The following ARHGEF19 variants were observed in gnomAD, a reference collection of about 807,000 sequenced individuals.
The protein encoded by ARHGEF19 is Rho guanine nucleotide exchange factor (GEF) 19.
ARHGEF19 carries 92 observed loss-of-function variants against 87.6 expected under a neutral mutation model. The ratio of observed to expected loss-of-function variants is 1.05; its 90% CI spans 0.89 to 1.25. The LOEUF (loss-of-function observed/expected upper bound fraction) is 1.25. Ranked by LOEUF, ARHGEF19 falls within the 50% of genes most tolerant of loss-of-function variation. The probability of loss-of-function intolerance (pLI) is 0.00; values close to 1 mark genes in which losing one functional copy is unlikely to be tolerated. For missense variants in ARHGEF19, 1,054 were observed against 1,051.8 expected, an observed-to-expected ratio of 1.00 and a Z score of -0.03; for synonymous variants, 438 against 446.2, an observed-to-expected ratio of 0.98 and a Z score of 0.23.
Position 16,204,929 on chromosome 1 carries a change from T to C in ARHGEF19, c.1747-10A>G, listed in dbSNP as rs748953653. On this transcript the variant is annotated splice_polypyrimidine_tract_variant and intron_variant, in intron 11 of 15. Transcript: ENST00000270747. ...AGATCAGCGGGAAAATCTAGAGGGA[T>C]GGAGAAGGATGGGTCAGGCCCAGGG... 1.3e-6 allele frequency: 2 copies of C among 1,594,032 alleles called. No individual in the cohort carries two copies. The highest frequency in any genetic ancestry group is 2.3e-5 in the South Asian group (2 of 88,078).
intron 12 of ARHGEF19, among the ~76,000 whole-genome samples, chr1:16,203,419 T>C (rs1439421020): frequency 2.0e-5 from 3 of 152,066 alleles, no homozygotes. Flanking sequence ...TGAATCCACT[T>C]ATCCTGAAGT....
In ARHGEF19 at chr1:16,209,786, C is replaced by T. The variant is rs548392351; in HGVS notation, c.-29-703G>A. ...TGCTCTGATGTTTCTCCCCCCATCT[C>T]CCCGACCCTTGCCCAGAGTTGCGGC... On this transcript the variant is annotated intron_variant, in intron 1 of 15. Coordinates refer to ENST00000270747, the MANE Select transcript of ARHGEF19 (RefSeq NM_153213.5). 8.5e-5 allele frequency among the ~76,000 whole-genome samples: 13 copies of T among 152,376 alleles called. No homozygotes were observed. In the East Asian group the frequency reaches 2.1e-3, roughly 25 times the overall value.
Position 16,205,918 on chromosome 1 carries a change from CCCCCAG to C in ARHGEF19, c.1451+7_1451+12del. On this transcript the variant is annotated splice_region_variant and intron_variant, in intron 8 of 15. Coordinates refer to ENST00000270747, the MANE Select transcript of ARHGEF19 (RefSeq NM_153213.5). This position sits in a 1 kb window ranked among gnomAD's most constrained non-coding sequence, Gnocchi z 5.8. ...CTCCACGCCCCCGCCCCTTTCAGAG[CCCCCAG>C]CCCTACAGCAGGCGCTGGTAGGTGC... 1 of 1,597,698 alleles carries C rather than the reference CCCCCAG, an allele frequency of 6.3e-7. No homozygotes were observed. Among genetic ancestry groups the C allele is most frequent in the Non-Finnish European group, 8.5e-7 (1 of 1,172,116 alleles).
intron 1 of ARHGEF19, among the ~76,000 whole-genome samples, chr1:16,209,656 C>A (rs1298491714): frequency 6.6e-6 from 1 of 152,174 alleles, no homozygotes; most frequent in African/African-American, 2.4e-5. Flanking sequence ...ACAGACAACT[C>A]CTCACAAACA....
chr1:16,207,089 C>A lies in ARHGEF19; in HGVS notation c.996G>T (p.Arg332=). 1 of 1,507,072 alleles carries A rather than the reference C, an allele frequency of 6.6e-7. No homozygotes were observed. Among genetic ancestry groups the A allele is most frequent in the Non-Finnish European group, 8.8e-7 (1 of 1,131,044 alleles). The allele number at this position is 1,507,072 out of a possible 1,614,324, so 93.4% of individuals were successfully genotyped here. A position where few individuals can be genotyped will look rare whatever the true frequency, so the allele number is the denominator to read the frequency against. ...EGAEEGPGPP[R]ANLSPSSSFR... is the part of the protein sequence containing the mutation. ...AGGAGCTGCTGGGGGAGAGGTTGGC[C>A]CGCGGCGGCCCCGGCCCCTCCTCTG... Residue 332 remains arginine, a synonymous_variant, in exon 6 of 16, where the codon CGG becomes CGT. Transcript: ENST00000270747. The surrounding 1 kb of genome is among the most constrained non-coding windows in gnomAD (Gnocchi z 4.0).
rs377224818 is a variant in ARHGEF19 at position 16,207,936 on chromosome 1, G to A, written c.694+8C>T. The A allele has an allele frequency of 6.2e-7, 1 of 1,604,634 alleles. No homozygotes were observed. The highest frequency in any genetic ancestry group is 1.1e-5 in the South Asian group (1 of 90,638). The stretch of plus-strand genomic sequence containing the variant: ...GCTGCCCTCAGGGCCCATGGGAGGA[G>A]CTGGTACCTTCCCGGGCTGCTCCGG... On this transcript the variant is annotated splice_region_variant and intron_variant, in intron 3 of 15. Transcript: ENST00000270747. This position sits in a 1 kb window ranked among gnomAD's most constrained non-coding sequence, Gnocchi z 4.0.
rs376034060 is a variant in ARHGEF19 at position 16,205,311 on chromosome 1, G to A, written c.1656+40C>T. Reference sequence around the variant, plus strand: ...AGAGACGTGCTGGGGGTCCAGGGGGGGCCTCAGGAGCCAAGCAGCCCCTGC... The same window carrying A: ...AGAGACGTGCTGGGGGTCCAGGGGGAGCCTCAGGAGCCAAGCAGCCCCTGC... On this transcript the variant is annotated intron_variant, in intron 10 of 15. Transcript: ENST00000270747. The surrounding 1 kb of genome is among the most constrained non-coding windows in gnomAD (Gnocchi z 5.8). 1 of 1,612,878 alleles carries A rather than the reference G, an allele frequency of 6.2e-7. No individual in the cohort carries two copies.
intron 13 of ARHGEF19, 31 bp downstream of exon 13, chr1:16,202,385 C>G (rs1375567103): frequency 4.5e-6 from 7 of 1,572,046 alleles, no homozygotes; most frequent in African/African-American, 1.3e-5. Flanking sequence ...GGAGGGGGAG[C>G]CTCCTCTCTC....
intron 1 of ARHGEF19, 127 bp from the exon 2 acceptor site, chr1:16,209,210 A>G (rs969104797): frequency 5.4e-6 from 3 of 555,964 alleles, no homozygotes; most frequent in Admixed American, 4.3e-5. Flanking sequence ...ACACACTCAC[A>G]TGTCTAATTA....
chr1:16,199,299 C>T (rs1324365048), intron 14 of ARHGEF19, 45 bp from the exon 15 acceptor site: 4 of 1,576,006 alleles, frequency 2.5e-6, no homozygotes, highest in Non-Finnish European at 3.5e-6. Flanking sequence ...GGCAGGATGG[C>T]AGGGGGAGGA....
chr1:16,205,364 T>G lies in ARHGEF19; in HGVS notation c.1643A>C (p.Asn548Thr). 1 of 1,613,788 alleles carries G rather than the reference T, an allele frequency of 6.2e-7. No individual in the cohort carries two copies. Among genetic ancestry groups the G allele is most frequent in the Non-Finnish European group, 8.5e-7 (1 of 1,179,802 alleles). The change falls in exon 10 of 16, where the codon AAT (asparagine) becomes ACT (threonine). Residue 548 changes from asparagine (N) to threonine (T), a missense_variant. Asn to Thr is a moderately conservative substitution (Grantham distance 65). Coordinates refer to ENST00000270747, the MANE Select transcript of ARHGEF19 (RefSeq NM_153213.5). The surrounding 1 kb of genome is among the most constrained non-coding windows in gnomAD (Gnocchi z 5.8). ...TGCCCAGCTCACCTCCTTGAGCGCATTGAAGGCCTTGGTGGCCATGTCTTC... is the reference window on the plus strand; with the variant it reads ...TGCCCAGCTCACCTCCTTGAGCGCAGTGAAGGCCTTGGTGGCCATGTCTTC... The part of the protein sequence containing the change: ...EDEDMATKAF[N>T]ALKELVQECN...
intron 12 of ARHGEF19, among the ~76,000 whole-genome samples, chr1:16,203,404 T>A (rs1056231317): frequency 6.6e-6 from 1 of 152,064 alleles, no homozygotes; most frequent in Admixed American, 6.6e-5. Context: ...CTCCTTATTG[T>A]CCCTTGAATC....
In ARHGEF19 at chr1:16,198,662, G is replaced by A. The variant is rs767660233; in HGVS notation, c.2334C>T (p.Ser778=). ...QAYVEEISSL[S]ARLRNLRENK... is the part of the protein sequence containing the mutation. ...TCTCCCGGAGGTTTCGGAGGCGGGCGCTGAGGCTGCTGATCTCTTCCACAT... is the reference window on the plus strand; with the variant it reads ...TCTCCCGGAGGTTTCGGAGGCGGGCACTGAGGCTGCTGATCTCTTCCACAT... Residue 778 remains serine (S), a synonymous_variant, in exon 16 of 16, where the codon AGC becomes AGT. Coordinates refer to ENST00000270747, the MANE Select transcript of ARHGEF19 (RefSeq NM_153213.5). This position sits in a 1 kb window ranked among gnomAD's most constrained non-coding sequence, Gnocchi z 4.1. 23 of 1,613,578 alleles carry A rather than the reference G, an allele frequency of 1.4e-5. No homozygotes were observed. Among genetic ancestry groups the A allele is most frequent in the Middle Eastern group, 1.6e-4 (1 of 6,080 alleles).
At position 16,198,326 on chromosome 1, in the gene ARHGEF19, G is replaced by A; in HGVS notation, c.*261C>T. 2.8e-6 allele frequency: 1 copy of A among 355,704 alleles called. No individual in the cohort carries two copies. The highest frequency in any genetic ancestry group is 4.5e-5 in the Admixed American group (1 of 22,342). The allele number at this position is 355,704 out of a possible 1,614,324, so 22.0% of individuals were successfully genotyped here. On this transcript the variant is annotated 3_prime_UTR_variant, in exon 16 of 16. Transcript: ENST00000270747. The surrounding 1 kb of genome is among the most constrained non-coding windows in gnomAD (Gnocchi z 4.1). Reference sequence around the variant, plus strand: ...AAGGAGAGGGCCCCAGTCTTTGCCAGGTATCAGTGATCACCTGTTATGGTC... The same window carrying A: ...AAGGAGAGGGCCCCAGTCTTTGCCAAGTATCAGTGATCACCTGTTATGGTC...
At chr1:16,199,078 T>C in intron 15 of ARHGEF19, 72 bp downstream of exon 15, 2 of 1,440,690 alleles carry the variant, frequency 1.4e-6, no homozygotes, top group East Asian at 2.3e-5. Context: ...TTCCCTGTGA[T>C]ATCTTAGTCA....
rs750378170 is a variant in ARHGEF19, at chr1:16,205,077, A to G, written c.1746+10T>C. On this transcript the variant is annotated intron_variant, in intron 11 of 15. Coordinates refer to ENST00000270747, the MANE Select transcript of ARHGEF19 (RefSeq NM_153213.5). The surrounding 1 kb of genome is among the most constrained non-coding windows in gnomAD (Gnocchi z 5.8). Reference sequence around the variant, plus strand: ...TTGGGGTCCCCATCCCGCTGGCTGCAGACACACACCTTGCCCTCAAAGTGG... The same window carrying G: ...TTGGGGTCCCCATCCCGCTGGCTGCGGACACACACCTTGCCCTCAAAGTGG... 6.3e-7 allele frequency: 1 copy of G among 1,597,056 alleles called. No homozygotes were observed. Among genetic ancestry groups the G allele is most frequent in the South Asian group, 1.1e-5 (1 of 88,330 alleles).
chr1:16,202,554 A>G lies in ARHGEF19; in HGVS notation c.1928T>C (p.Phe643Ser). Residue 643 changes from phenylalanine to serine, a missense_variant, in exon 13 of 16, where the codon TTC becomes TCC. Coordinates refer to ENST00000270747, the MANE Select transcript of ARHGEF19 (RefSeq NM_153213.5). ...CAGCTCAGCCATCTTGGCATGGACGAAAACGGCAAACTTCCCTAGCCTGGA... is the reference window on the plus strand; with the variant it reads ...CAGCTCAGCCATCTTGGCATGGACGGAAACGGCAAACTTCCCTAGCCTGGA... ...RRKELGKFAV[F>S]VHAKMAELQV... 6.2e-7 allele frequency: 1 copy of G among 1,613,860 alleles called. No homozygotes were observed.
At position 16,206,635 on chromosome 1, in the gene ARHGEF19, C is replaced by A. The variant is rs1175695340; in HGVS notation, c.1138-295G>T. The A allele has an allele frequency of 7.6e-6, 4 of 527,648 alleles. No individual in the cohort carries two copies. Among genetic ancestry groups the A allele is most frequent in the Non-Finnish European group, 1.3e-5 (4 of 296,442 alleles). 32.7% of individuals were successfully genotyped at this position (527,648 alleles called of 1,614,324 possible). ...GATCCTGGCCCCGCCTTGTTCCGCGCCCACCAGGCGTTTGCTCTTCCAATG... is the reference window on the plus strand; with the variant it reads ...GATCCTGGCCCCGCCTTGTTCCGCGACCACCAGGCGTTTGCTCTTCCAATG... On this transcript the variant is annotated intron_variant, in intron 6 of 15. Transcript: ENST00000270747. This position sits in a 1 kb window ranked among gnomAD's most constrained non-coding sequence, Gnocchi z 4.6.
chr1:16,205,546 A>G lies in ARHGEF19; in HGVS notation c.1573T>C (p.Leu525=), dbSNP rs751802065. The G allele has an allele frequency of 1.2e-6, 2 of 1,613,918 alleles. No homozygotes were observed. Among genetic ancestry groups the G allele is most frequent in the East Asian group, 2.2e-5 (1 of 44,850 alleles). ...CTGTCCCCTCGAGGTACCTCCACCAACATCTTGAGGCGGGTGATCCTCTGG... is the reference window on the plus strand; with the variant it reads ...CTGTCCCCTCGAGGTACCTCCACCAGCATCTTGAGGCGGGTGATCCTCTGG... The part of the protein sequence containing the change: ...PFQRITRLKM[L]VENILKRTAQ... Residue 525 remains leucine (L), a synonymous_variant, in exon 9 of 16, where the codon TTG becomes CTG. Coordinates refer to ENST00000270747, the MANE Select transcript of ARHGEF19 (RefSeq NM_153213.5). This position sits in a 1 kb window ranked among gnomAD's most constrained non-coding sequence, Gnocchi z 5.8.
Sources: allele counts gnomAD v4.1 joint callset (sites outside exome capture counted in the v4.1 genomes callset), GRCh38; gene constraint gnomAD v4.1.1; non-coding constraint Gnocchi (gnomAD v3.1); transcripts MANE v1.5; gene names NCBI Gene and HGNC (gene_info 2026-07-23, HGNC 2026-07-21).